Variants in FAM53A observed in about 807,000 individuals in gnomAD.
The protein encoded by FAM53A is family with sequence similarity 53 member A.
In FAM53A, 28 loss-of-function variants were observed where a neutral mutation model predicts 26.6. That is an observed-to-expected ratio of 1.05 (90% CI 0.78 to 1.45). FAM53A has a LOEUF of 1.45. Ranked by LOEUF, FAM53A falls within the 40% of genes most tolerant of loss-of-function variation. The pLI is 0.00. For synonymous variants in FAM53A, 290 were observed against 253.1 expected, an observed-to-expected ratio of 1.15 and a Z score of -1.38; for missense variants, 650 against 575.8, an observed-to-expected ratio of 1.13 and a Z score of -1.32.
the FAM53A span, among the ~76,000 whole-genome samples, chr4:1,595,404 A>C: frequency 3.3e-5 from 5 of 152,202 alleles, no homozygotes; most frequent in Non-Finnish European, 7.3e-5. Flanking sequence ...AAGGCTGAGA[A>C]GGGGCATGCA....
chr4:1,646,970 A>G (rs548680678), intron 4 of FAM53A, among the ~76,000 whole-genome samples: 17 of 152,342 alleles, frequency 1.1e-4, no homozygotes. Context: ...ACTGATGTGC[A>G]TATTTTCAAT....
At chr4:1,624,288 C>T (rs996637958) in intron 1 of FAM53A, among the ~76,000 whole-genome samples, 4 of 152,114 alleles carry the variant, frequency 2.6e-5, no homozygotes, top group Non-Finnish European at 2.9e-5. Context: ...TGGGGCTGGA[C>T]GCAGGGCTCA....
intron 4 of FAM53A, among the ~76,000 whole-genome samples, chr4:1,648,200 G>A (rs1391157239): frequency 2.0e-5 from 3 of 152,136 alleles, no homozygotes; most frequent in Non-Finnish European, 4.4e-5. Flanking sequence ...CAGAGAGAGA[G>A]ACCCTGTCTC....
exon 2 of FAM53A, chr4:1,618,041 G>T (rs548566562): frequency 1.3e-5 from 6 of 456,246 alleles, no homozygotes; most frequent in Non-Finnish European, 2.6e-5. Context: ...GTCAGATGCC[G>T]TGAAGATGGG....
chr4:1,645,159 C>T (rs1331244928), intron 4 of FAM53A, among the ~76,000 whole-genome samples: 1 of 152,052 alleles, frequency 6.6e-6, no homozygotes, highest in Admixed American at 6.5e-5. Flanking sequence ...TTGAAACAGG[C>T]AGCCAAGCAG....
At chr4:1,633,614 G>A (rs1320733019) in intron 1 of FAM53A, among the ~76,000 whole-genome samples, 1 of 152,132 alleles carries the variant, frequency 6.6e-6, no homozygotes, top group Admixed American at 6.6e-5. Flanking sequence ...CAAGAAGAAT[G>A]GGTGAGCCCA....
chr4:1,637,009 G>A (rs4865452), downstream of FAM53A, among the ~76,000 whole-genome samples: 34,461 of 152,190 alleles, frequency 0.23, 4,399 homozygotes, highest in Admixed American at 0.32. Context: ...CGGCGAGCAC[G>A]AGAACAAGGA....
intron 1 of FAM53A, among the ~76,000 whole-genome samples, chr4:1,669,857 A>G (rs780134138): frequency 1.3e-5 from 2 of 152,192 alleles, no homozygotes; most frequent in Non-Finnish European, 2.9e-5. Context: ...GGGAATTAAG[A>G]CAGCAGTGAC....
intron 2 of FAM53A, 116 bp downstream of exon 2, chr4:1,668,551 C>A (rs755103056): frequency 4.3e-6 from 5 of 1,167,758 alleles, no homozygotes; most frequent in Non-Finnish European, 6.2e-6. Flanking sequence ...CCTGGCCCAG[C>A]AGGGCCCCCC....
chr4:1,681,472 C>T (rs1715435256), intron 1 of FAM53A, among the ~76,000 whole-genome samples: 1 of 151,416 alleles, frequency 6.6e-6, no homozygotes, highest in South Asian at 2.1e-4. Context: ...GCACTGAAAC[C>T]ACATTCGAAG....
In FAM53A at chr4:1,641,518, T is replaced by G. The variant is rs774262654; in HGVS notation, c.972A>C (p.Pro324=). Residue 324 remains proline (P), a synonymous_variant, in exon 5 of 5, where the codon CCA becomes CCC. Coordinates refer to ENST00000308132, the MANE Select transcript of FAM53A (RefSeq NM_001174070.3). ...DTPVKTVLSS[P]CDSRGLPGIT... Reference sequence around the variant, plus strand: ...TGCCAGGGAGGCCCCGGGAGTCACATGGGGAGGACAGAACCGTCTTCACTG... The same window carrying G: ...TGCCAGGGAGGCCCCGGGAGTCACAGGGGGAGGACAGAACCGTCTTCACTG... The G allele has an allele frequency of 1.9e-6, 3 of 1,614,178 alleles. No individual in the cohort carries two copies. Among genetic ancestry groups the G allele is most frequent in the Admixed American group, 1.7e-5 (1 of 60,014 alleles).
intron 1 of FAM53A, among the ~76,000 whole-genome samples, chr4:1,625,022 C>A (rs1217580130): frequency 7.6e-6 from 1 of 132,398 alleles, no homozygotes; most frequent in African/African-American, 3.1e-5. Context: ...TCCCAGCCCA[C>A]GTGGTCAGGG....
At chr4:1,682,901 G>A (rs1465196149) in intron 1 of FAM53A, among the ~76,000 whole-genome samples, 2 of 152,216 alleles carry the variant, frequency 1.3e-5, no homozygotes, top group Non-Finnish European at 2.9e-5. Flanking sequence ...GCATCCAAAG[G>A]GGCGGGACAA....
the FAM53A span, among the ~76,000 whole-genome samples, chr4:1,602,308 G>C: frequency 6.6e-6 from 1 of 152,372 alleles, no homozygotes; most frequent in Non-Finnish European, 1.5e-5. Flanking sequence ...GTGGCTGCAG[G>C]GGCAGGGGAG....
Position 1,652,192 on chromosome 4 carries a change from CCA to C in FAM53A, c.882+2784_882+2785del, listed in dbSNP as rs574757759. Among the ~76,000 whole-genome samples the C allele has an allele frequency of 6.3e-3, 854 of 134,814 alleles. 5 individuals carry two copies. Among genetic ancestry groups the C allele is most frequent in the Non-Finnish European group, 0.01 (647 of 63,048 alleles). 88.4% of individuals were successfully genotyped at this position (134,814 alleles called of 152,430 possible). A position where few individuals can be genotyped will look rare whatever the true frequency, so the allele number is the denominator to read the frequency against. ...CCACACGCCACACACACCATACACG[CCA>C]CACACACCACACATGCCACACACAC... On this transcript the variant is annotated intron_variant, in intron 4 of 4. Coordinates refer to ENST00000308132, the MANE Select transcript of FAM53A (RefSeq NM_001174070.3).
the FAM53A span, among the ~76,000 whole-genome samples, chr4:1,575,289 C>T: frequency 6.6e-6 from 1 of 152,236 alleles, no homozygotes; most frequent in Admixed American, 6.5e-5. Flanking sequence ...GGCTCCACCA[C>T]ACCCCAAGTC....
At chr4:1,682,579 A>G (rs1356598453) in intron 1 of FAM53A, among the ~76,000 whole-genome samples, 1 of 152,078 alleles carries the variant, frequency 6.6e-6, no homozygotes, top group African/African-American at 2.4e-5. Flanking sequence ...CTTTTTTAGA[A>G]AAACATTTTC....
At chr4:1,608,973 T>C in the FAM53A span, among the ~76,000 whole-genome samples, 1 of 152,008 alleles carries the variant, frequency 6.6e-6, no homozygotes, top group African/African-American at 2.4e-5. Flanking sequence ...GAGACACAGA[T>C]GGCCCAGCGC....
intron 1 of FAM53A, among the ~76,000 whole-genome samples, chr4:1,624,398 G>A (rs1470063340): frequency 3.9e-5 from 6 of 152,330 alleles, no homozygotes; most frequent in Admixed American, 2.6e-4. Context: ...GGTGCTTCAA[G>A]AGGCAGAAAG....
Sources: allele counts gnomAD v4.1 joint callset (sites outside exome capture counted in the v4.1 genomes callset), GRCh38; gene constraint gnomAD v4.1.1; transcripts MANE v1.5; gene names NCBI Gene and HGNC (gene_info 2026-07-23, HGNC 2026-07-21).